BCAT1: variants seen among roughly 807,000 people sequenced by gnomAD.
The protein encoded by BCAT1 is branched-chain-amino-acid aminotransferase, cytosolic.
Under a neutral mutation model 52.4 loss-of-function variants are expected in BCAT1, and 48 were observed. The ratio of observed to expected loss-of-function variants is 0.92; its 90% confidence interval spans 0.73 to 1.16. The LOEUF is 1.16. Among genes scored for constraint, BCAT1 ranks in the 50% most tolerant of loss-of-function variants. The probability of loss-of-function intolerance (pLI) is 0.00; values close to 1 mark genes in which losing one functional copy is unlikely to be tolerated. For missense variants in BCAT1, 451 were observed against 457.1 expected, an observed-to-expected ratio of 0.99 and a Z score of 0.12; for synonymous variants, 167 against 161.3, an observed-to-expected ratio of 1.04 and a Z score of -0.27.
intron 5 of BCAT1, among the ~76,000 whole-genome samples, chr12:24,864,421 T>C: frequency 6.6e-6 from 1 of 152,122 alleles, no homozygotes; most frequent in Non-Finnish European, 1.5e-5. Flanking sequence ...AGTCAAGTAA[T>C]GAAGAGCTCA....
intron 5 of BCAT1, among the ~76,000 whole-genome samples, chr12:24,873,907 T>C (rs937622302): frequency 2.6e-5 from 4 of 152,248 alleles, no homozygotes; most frequent in African/African-American, 7.2e-5. Flanking sequence ...TAATACACAC[T>C]TCCATTTATT....
At chr12:24,892,830 G>A (rs1474638777) in intron 3 of BCAT1, among the ~76,000 whole-genome samples, 3 of 151,810 alleles carry the variant, frequency 2.0e-5, no homozygotes, top group African/African-American at 4.9e-5. Context: ...TCCAGCCTGG[G>A]TGACAGAGCA....
At chr12:24,903,052 C>T (rs1415089496) in intron 1 of BCAT1, 4 of 1,392,830 alleles carry the variant, frequency 2.9e-6, no homozygotes, top group Non-Finnish European at 2.8e-6. Context: ...CGGCTGGAAG[C>T]GAAAGCAGGC....
chr12:24,906,805 C>T (rs1174398468), intron 1 of BCAT1, among the ~76,000 whole-genome samples: 1 of 152,196 alleles, frequency 6.6e-6, no homozygotes, highest in Admixed American at 6.5e-5. Flanking sequence ...CAATGTCTAT[C>T]CATTCTTGCT....
At chr12:24,860,648 C>T (rs1051891344) in intron 5 of BCAT1, among the ~76,000 whole-genome samples, 5 of 152,176 alleles carry the variant, frequency 3.3e-5, no homozygotes, top group Admixed American at 6.5e-5. Flanking sequence ...CAAATATAAA[C>T]AGATTGCTTT....
rs573080745 is a variant in BCAT1, at chr12:24,939,749, C to A, written c.6+9178G>T. Among the ~76,000 whole-genome samples, 11 of 152,174 alleles carry A rather than the reference C, an allele frequency of 7.2e-5. No homozygotes were observed. In the South Asian group the frequency reaches 2.3e-3, roughly 32 times the overall value. The stretch of plus-strand genomic sequence containing the variant: ...CTACTCGGGAGGCTGAGGAGAATCG[C>A]TTGAACCTGGGAGGCTGGAGATTGC... On this transcript the variant is annotated intron_variant, in intron 1 of 10. Coordinates refer to ENST00000261192, the MANE Select transcript of BCAT1 (RefSeq NM_005504.7).
intron 5 of BCAT1, among the ~76,000 whole-genome samples, chr12:24,850,661 C>T (rs1054029822): frequency 6.6e-6 from 1 of 152,142 alleles, no homozygotes; most frequent in Admixed American, 6.6e-5. Flanking sequence ...TCAAACGTGG[C>T]CAACTGTTCA....
At position 24,821,916 on chromosome 12, in the gene BCAT1, A is replaced by G. The variant is rs550231396; in HGVS notation, c.1120-3867T>C. ...AGGCTTCTGAACGAGATGAGTCATAAAGGACAGCCAAGGCCTTATCCAGGT... is the reference window on the plus strand; with the variant it reads ...AGGCTTCTGAACGAGATGAGTCATAGAGGACAGCCAAGGCCTTATCCAGGT... On this transcript the variant is annotated intron_variant, in intron 10 of 10. Transcript: ENST00000261192. Among the ~76,000 whole-genome samples, 3 of 152,310 alleles carry G rather than the reference A, an allele frequency of 2.0e-5. No homozygotes were observed. In the East Asian group the frequency reaches 5.8e-4, roughly 29 times the overall value.
intron 1 of BCAT1, among the ~76,000 whole-genome samples, chr12:24,912,235 C>T (rs1943338312): frequency 6.6e-6 from 1 of 152,100 alleles, no homozygotes; most frequent in South Asian, 2.1e-4. Flanking sequence ...TAGAAGAGGG[C>T]TGGGCGCAGT....
chr12:24,932,560 G>A (rs930913919), intron 1 of BCAT1, among the ~76,000 whole-genome samples: 1 of 152,336 alleles, frequency 6.6e-6, no homozygotes, highest in East Asian at 1.9e-4. Flanking sequence ...AGGATAAATT[G>A]TAATAATATT....
Position 24,924,888 on chromosome 12 carries a change from T to C in BCAT1, c.7-23003A>G, listed in dbSNP as rs142038352. 6.6e-5 allele frequency among the ~76,000 whole-genome samples: 10 copies of C among 152,302 alleles called. No homozygotes were observed. In the East Asian group the frequency reaches 1.9e-3, roughly 29 times the overall value. ...TAGGAAATATCACAACCATAATTTA[T>C]TTTCATATGATTCAGTACTTGGGAG... is the stretch of plus-strand genomic sequence containing the variant. On this transcript the variant is annotated intron_variant, in intron 1 of 10. Coordinates refer to ENST00000261192, the MANE Select transcript of BCAT1 (RefSeq NM_005504.7).
chr12:24,898,065 C>T (rs1942999747), intron 2 of BCAT1, among the ~76,000 whole-genome samples: 1 of 152,112 alleles, frequency 6.6e-6, no homozygotes, highest in African/African-American at 2.4e-5. Flanking sequence ...TAGCTGAAGA[C>T]ATGTGACTCG....
intron 7 of BCAT1, among the ~76,000 whole-genome samples, chr12:24,837,330 G>A (rs1276795847): frequency 6.6e-6 from 1 of 151,992 alleles, no homozygotes; most frequent in Non-Finnish European, 1.5e-5. Flanking sequence ...CAGAAAAACT[G>A]GTCATTACCA....
chr12:24,827,722 G>A (rs1396035821), intron 10 of BCAT1, among the ~76,000 whole-genome samples: 1 of 152,184 alleles, frequency 6.6e-6, no homozygotes, highest in African/African-American at 2.4e-5. Flanking sequence ...AACCCAGGAG[G>A]CAGGGGTTGC....
At chr12:24,894,602 T>A in intron 2 of BCAT1, 127 bp from the exon 3 acceptor site, 2 of 793,254 alleles carry the variant, frequency 2.5e-6, no homozygotes, top group Non-Finnish European at 3.9e-6. Flanking sequence ...CACAGAAATT[T>A]AACACTCTGA....
At chr12:24,834,733 C>G in intron 8 of BCAT1, 2 of 1,115,058 alleles carry the variant, frequency 1.8e-6, no homozygotes, top group Non-Finnish European at 2.2e-6. Context: ...TCTACAATTG[C>G]AATTATGTTG....
chr12:24,891,578 AT>A (rs1942838241), intron 3 of BCAT1, among the ~76,000 whole-genome samples: 1 of 152,202 alleles, frequency 6.6e-6, no homozygotes, highest in Admixed American at 6.5e-5. Flanking sequence ...AATACAAAAC[AT>A]TTATTTTACT....
chr12:24,861,996 A>T (rs911016917), intron 5 of BCAT1, among the ~76,000 whole-genome samples: 4 of 152,248 alleles, frequency 2.6e-5, no homozygotes, highest in Admixed American at 2.6e-4. Flanking sequence ...CCATGGCAAC[A>T]TCCAGAACTT....
chr12:24,948,654 C>A (rs1943972885), intron 1 of BCAT1, among the ~76,000 whole-genome samples: 1 of 152,156 alleles, frequency 6.6e-6, no homozygotes, highest in Admixed American at 6.5e-5. Context: ...GGGGAGGGAG[C>A]TGTAGCAGAC....
Sources: gnomAD v4.1 joint callset for allele counts (sites outside exome capture counted in the v4.1 genomes callset) on GRCh38, gnomAD v4.1.1 for gene constraint, MANE v1.5 for transcripts, NCBI Gene and HGNC (gene_info 2026-07-23, HGNC 2026-07-21) for gene names.